The following PIK3R4 variants were observed in gnomAD, a reference collection of about 807,000 sequenced individuals.
PIK3R4 encodes phosphoinositide 3-kinase regulatory subunit 4.
PIK3R4 carries 46 observed loss-of-function variants against 136.5 expected under a neutral mutation model. The ratio of observed to expected loss-of-function variants is 0.34; its 90% confidence interval spans 0.27 to 0.43. The LOEUF (loss-of-function observed/expected upper bound fraction) is 0.43, where lower values mean the gene tolerates loss of function less well. Ranked by LOEUF, PIK3R4 falls within the 20% of genes least tolerant of loss-of-function variation. The pLI is 1.00. For synonymous variants in PIK3R4, 557 were observed against 566.7 expected (o/e 0.98, Z 0.24); for missense variants, 1,331 against 1,649.5 (o/e 0.81, Z 3.35).
At chr3:130,705,836 T>A in intron 11 of PIK3R4, 65 bp from the exon 12 acceptor site, 1 of 869,564 alleles carries the variant, frequency 1.2e-6, no homozygotes, top group Non-Finnish European at 1.8e-6. Context: ...GACAGAAGTG[T>A]ATGCATGTTT....
chr3:130,681,984 T>G (rs80097487), intron 16 of PIK3R4, among the ~76,000 whole-genome samples: 2,269 of 152,248 alleles, frequency 0.015, 64 homozygotes, highest in East Asian at 0.1. Flanking sequence ...GCAGTAATGC[T>G]GGTCATTTTC....
Position 130,705,434 on chromosome 3 carries a change from TG to T in PIK3R4, c.2932+126del, listed in dbSNP as rs1221354271. 9 of 659,884 alleles carry T rather than the reference TG, an allele frequency of 1.4e-5. No homozygotes were observed. In the Admixed American group the frequency reaches 1.4e-4, roughly 10 times the overall value. 40.9% of individuals were successfully genotyped at this position (659,884 alleles called of 1,614,324 possible). ...ATTTCTTACTTACTGCTTCTTCTTC[TG>T]GGTTTCCCAAATAACATTTTTGTTC... On this transcript the variant is annotated intron_variant, in intron 12 of 19. Coordinates refer to ENST00000356763, the MANE Select transcript of PIK3R4 (RefSeq NM_014602.3).
At position 130,744,704 on chromosome 3, in the gene PIK3R4, G is replaced by A. The variant is rs1170393616; in HGVS notation, c.515C>T (p.Pro172Leu). Residue 172 changes from proline (P) to leucine (L), a missense_variant, in exon 2 of 20, where the codon CCC becomes CTC. This residue lies in a region of PIK3R4 where 151 missense variants were observed against 242.5 expected (regional missense o/e 0.62). Transcript: ENST00000356763. ...CGGGTTGTCTTCTGGAAGATAAGTG[G>A]GCTTAAAACTGGCAAAATCAGTTAG... ...VLLTDFASFK[P>L]TYLPEDNPAD... 7 of 1,614,074 alleles carry A rather than the reference G, an allele frequency of 4.3e-6. No homozygotes were observed. The highest frequency in any genetic ancestry group is 5.9e-6 in the Non-Finnish European group (7 of 1,180,042).
intron 14 of PIK3R4, among the ~76,000 whole-genome samples, chr3:130,687,258 C>T (rs760583750): frequency 9.9e-5 from 15 of 152,016 alleles, no homozygotes; most frequent in Non-Finnish European, 2.2e-4. Flanking sequence ...CCCATAAAGT[C>T]AGGTGTGGAA....
intron 13 of PIK3R4, among the ~76,000 whole-genome samples, chr3:130,695,670 A>C (rs978297683): frequency 3.3e-5 from 5 of 152,140 alleles, no homozygotes; most frequent in Non-Finnish European, 5.9e-5. Flanking sequence ...TATTCACATA[A>C]CTTTTATTAA....
At chr3:130,724,356 G>T (rs1324749881) in intron 6 of PIK3R4, among the ~76,000 whole-genome samples, 1 of 152,052 alleles carries the variant, frequency 6.6e-6, no homozygotes, top group African/African-American at 2.4e-5. Flanking sequence ...GAATCCACTG[G>T]CCTTGCTATA....
Position 130,744,560 on chromosome 3 carries a change from G to C in PIK3R4, c.659C>G (p.Thr220Ser), listed in dbSNP as rs1460063513. 1 of 1,614,194 alleles carries C rather than the reference G, an allele frequency of 6.2e-7. No individual in the cohort carries two copies. The highest frequency in any genetic ancestry group is 1.7e-5 in the Admixed American group (1 of 60,034). The change falls in exon 2 of 20, where the codon ACT (threonine) becomes AGT (serine). Residue 220 changes from threonine (T) to serine (S), a missense_variant. Physicochemically the swap from Thr to Ser is moderately conservative, Grantham distance 58. This residue lies in a region of PIK3R4 where 1,180 missense variants were observed against 1,407.0 expected (regional missense o/e 0.84). Coordinates refer to ENST00000356763, the MANE Select transcript of PIK3R4 (RefSeq NM_014602.3). ...TELEYMRDPS[T>S]PLVDLNSNQR... is the part of the protein sequence containing the mutation. Reference sequence around the variant, plus strand: ...ATTGCTATTTAAGTCTACAAGCGGAGTTGAAGGATCTCTCATATATTCTAA... The same window carrying C: ...ATTGCTATTTAAGTCTACAAGCGGACTTGAAGGATCTCTCATATATTCTAA...
intron 13 of PIK3R4, among the ~76,000 whole-genome samples, chr3:130,693,195 T>C (rs2066527868): frequency 6.6e-6 from 1 of 152,222 alleles, no homozygotes; most frequent in Non-Finnish European, 1.5e-5. Flanking sequence ...GGTTTTCAAC[T>C]GTATAGATAT....
Position 130,680,877 on chromosome 3 carries a change from G to T in PIK3R4, c.3797+100C>A, listed in dbSNP as rs543532136. 1.6e-5 allele frequency: 12 copies of T among 764,200 alleles called. No individual in the cohort carries two copies. The East Asian group carries it at 3.1e-4, about 20-fold the overall frequency. The allele number at this position is 764,200 out of a possible 1,614,324, so 47.3% of individuals were successfully genotyped here. A position where few individuals can be genotyped will look rare whatever the true frequency, so the allele number is the denominator to read the frequency against. ...ATTGGTTACAAATAAAGTATTAACA[G>T]CTGTCCTTATAAGATGATTTTAAAC... On this transcript the variant is annotated intron_variant, in intron 18 of 19. Coordinates refer to ENST00000356763, the MANE Select transcript of PIK3R4 (RefSeq NM_014602.3).
intron 16 of PIK3R4, among the ~76,000 whole-genome samples, chr3:130,682,988 A>G (rs916480489): frequency 2.6e-5 from 4 of 152,202 alleles, no homozygotes; most frequent in Non-Finnish European, 2.9e-5. Context: ...AAGAGATTAT[A>G]GTGGTTTGGA....
chr3:130,707,294 T>A (rs980522668), intron 10 of PIK3R4, among the ~76,000 whole-genome samples, 159 bp from the exon 11 acceptor site: 1 of 152,174 alleles, frequency 6.6e-6, no homozygotes, highest in Admixed American at 6.5e-5. Context: ...TATTCATGTA[T>A]CAATTCATTA....
intron 9 of PIK3R4, among the ~76,000 whole-genome samples, chr3:130,712,543 C>T (rs926928413): frequency 1.3e-5 from 2 of 151,878 alleles, no homozygotes; most frequent in African/African-American, 2.4e-5. Flanking sequence ...TGGTGCATGC[C>T]GGTAATACCA....
chr3:130,679,299 T>C lies in PIK3R4; in HGVS notation c.*16A>G, dbSNP rs2066439452. 1 of 1,495,548 alleles carries C rather than the reference T, an allele frequency of 6.7e-7. No homozygotes were observed. The highest frequency in any genetic ancestry group is 2.4e-5 in the East Asian group (1 of 41,582). 92.6% of individuals were successfully genotyped at this position (1,495,548 alleles called of 1,614,324 possible). On this transcript the variant is annotated 3_prime_UTR_variant, in exon 20 of 20. Coordinates refer to ENST00000356763, the MANE Select transcript of PIK3R4 (RefSeq NM_014602.3). ...TTATATTTATAACTATTAAAATTTA[T>C]ACAAATCAGTAGGTTTTATTTCCAC...
At chr3:130,716,001 C>T (rs1190811537) in intron 9 of PIK3R4, among the ~76,000 whole-genome samples, 2 of 152,144 alleles carry the variant, frequency 1.3e-5, no homozygotes, top group African/African-American at 4.8e-5. Flanking sequence ...TCGAAATGAA[C>T]CAGGATTTTT....
chr3:130,690,529 T>G lies in PIK3R4; in HGVS notation c.3224A>C (p.Lys1075Thr), dbSNP rs1041577082. The G allele has an allele frequency of 1.2e-6, 2 of 1,613,512 alleles. No homozygotes were observed. The highest frequency in any genetic ancestry group is 1.3e-5 in the African/African-American group (1 of 74,880). ...ATGGATTTTAGGAGACTTGGGCAGC[T>G]TAGAAGCCTCAATTCCAAGAAGCTG... ...AVQLLGIEAS[K>T]LPKSPKIHPL... Residue 1075 changes from lysine to threonine, a missense_variant, in exon 14 of 20, where the codon AAG (lysine) becomes ACG (threonine). This residue lies in a region of PIK3R4 where 1,180 missense variants were observed against 1,407.0 expected (regional missense o/e 0.84). Transcript: ENST00000356763.
At chr3:130,728,730 G>C (rs776260176) in intron 5 of PIK3R4, 46 bp from the exon 6 acceptor site, 8 of 1,275,654 alleles carry the variant, frequency 6.3e-6, no homozygotes, top group South Asian at 4.5e-5. Flanking sequence ...AAAAGAAATA[G>C]TTAAGAAAAG....
In PIK3R4 at chr3:130,744,795, A is replaced by C. The variant is rs767909537; in HGVS notation, c.424T>G (p.Ser142Ala). 2 of 1,614,234 alleles carry C rather than the reference A, an allele frequency of 1.2e-6. No homozygotes were observed. The highest frequency in any genetic ancestry group is 1.7e-6 in the Non-Finnish European group (2 of 1,180,044). ...ILTAVDQAHK[S>A]GVRHGDIKTE... ...TTGATGTCCCCATGACGAACTCCAGATTTGTGTGCTTGGTCCACAGCTGTC... is the reference window on the plus strand; with the variant it reads ...TTGATGTCCCCATGACGAACTCCAGCTTTGTGTGCTTGGTCCACAGCTGTC... The change falls in exon 2 of 20, where the codon TCT becomes GCT. Residue 142 changes from serine (S) to alanine (A), a missense_variant. Transcript: ENST00000356763.
At chr3:130,723,635 C>T (rs1179517889) in intron 6 of PIK3R4, 48 bp from the exon 7 acceptor site, 2 of 1,487,608 alleles carry the variant, frequency 1.3e-6, no homozygotes, top group African/African-American at 1.4e-5. Flanking sequence ...CCTAAAAGTA[C>T]ATATATCATT....
intron 9 of PIK3R4, among the ~76,000 whole-genome samples, chr3:130,714,234 A>G (rs2066649177): frequency 6.6e-6 from 1 of 152,234 alleles, no homozygotes; most frequent in Non-Finnish European, 1.5e-5. Flanking sequence ...GCTCTCCAGG[A>G]ATTCAAGTCA....
Sources: gnomAD v4.1 joint callset for allele counts (sites outside exome capture counted in the v4.1 genomes callset) on GRCh38, gnomAD v4.1.1 for gene constraint, gnomAD v4.1.1 regional missense constraint, MANE v1.5 for transcripts, NCBI Gene and HGNC (gene_info 2026-07-23, HGNC 2026-07-21) for gene names.